Variants in ADPRHL1 observed in about 807,000 individuals in gnomAD.
ADPRHL1 encodes inactive ADP-ribosyltransferase ARH2.
Under a neutral mutation model 44.1 loss-of-function variants are expected in ADPRHL1, and 43 were observed. The ratio of observed to expected loss-of-function variants is 0.98; its 90% confidence interval spans 0.76 to 1.26. ADPRHL1 has a LOEUF of 1.26. Ranked by LOEUF, ADPRHL1 falls within the 50% of genes most tolerant of loss-of-function variation. ADPRHL1 has a pLI of 0.00. For synonymous variants in ADPRHL1, 878 were observed against 1,017.4 expected (o/e 0.86, Z 2.61); for missense variants, 2,022 against 2,496.9 (o/e 0.81, Z 4.05).
chr13:113,447,214 C>A (rs1316470235), intron 1 of ADPRHL1, among the ~76,000 whole-genome samples: 27 of 104,238 alleles, frequency 2.6e-4, no homozygotes, highest in Non-Finnish European at 4.9e-4. Context: ...GTGTGCATGG[C>A]GTCTACACGC....
chr13:113,414,496 G>T (rs1280031159), intron 7 of ADPRHL1, among the ~76,000 whole-genome samples: 1 of 145,992 alleles, frequency 6.8e-6, no homozygotes, highest in African/African-American at 2.5e-5. Context: ...CTCAGTCCCG[G>T]CCTCCCCGAT....
At chr13:113,435,481 C>T (rs1421309802) in intron 2 of ADPRHL1, among the ~76,000 whole-genome samples, 6 of 95,908 alleles carry the variant, frequency 6.3e-5, no homozygotes, top group African/African-American at 8.6e-5. Context: ...GGACCCGGCA[C>T]CCAGGTGTAG....
At chr13:113,426,227 G>A (rs763164273) in intron 4 of ADPRHL1, among the ~76,000 whole-genome samples, 5 of 152,286 alleles carry the variant, frequency 3.3e-5, no homozygotes, top group East Asian at 1.9e-4. Flanking sequence ...CGCCTTCCCC[G>A]CCGTGGAGCC....
chr13:113,404,367 G>A lies in ADPRHL1; in HGVS notation c.4915C>T (p.Arg1639Trp), dbSNP rs1052268914. The A allele has an allele frequency of 4.0e-5, 53 of 1,316,288 alleles. No homozygotes were observed. Among genetic ancestry groups the A allele is most frequent in the African/African-American group, 2.2e-4 (14 of 64,840 alleles). The allele number at this position is 1,316,288 out of a possible 1,614,324, so 81.5% of individuals were successfully genotyped here. The change falls in exon 8 of 8, where the codon CGG becomes TGG. Residue 1639 changes from arginine (R) to tryptophan (W), a missense_variant. Physicochemically the swap from Arg to Trp is moderately radical, Grantham distance 101. Around this residue, in one of 8 missense-constraint regions of ADPRHL1, gnomAD observed 78 missense variants for 76.5 expected, o/e 1.02. Transcript: ENST00000612156. ...QEQTQKGAQE[R>W]VQGQAQKGAQ... The stretch of plus-strand genomic sequence containing the variant: ...CCTTTCTGGGCCTGACCCTGAACCC[G>A]TTCCTGAGCCCCTTTCTGGGTCTGT...
At chr13:113,408,839 C>CAGAGGAGGAGGGGGCTGCAGAGAGG (rs2043828206) in intron 7 of ADPRHL1, among the ~76,000 whole-genome samples, 1 of 39,662 alleles carries the variant, frequency 2.5e-5, no homozygotes. Context: ...CCACCAGGAG[C>CAGAGGAGGAGGGGGCTGCAGAGAGG]AGGGGAGGAG....
intron 7 of ADPRHL1, among the ~76,000 whole-genome samples, chr13:113,418,374 T>C (rs1006775008): frequency 6.6e-6 from 1 of 152,234 alleles, no homozygotes; most frequent in Non-Finnish European, 1.5e-5. Context: ...CTGGGTGCTC[T>C]GAGCGGCTGC....
intron 1 of ADPRHL1, among the ~76,000 whole-genome samples, chr13:113,452,624 T>C (rs771889777): frequency 2.5e-4 from 38 of 152,326 alleles, no homozygotes; most frequent in Admixed American, 9.8e-4. Flanking sequence ...AAGCTTTGTC[T>C]CCAATCTCGT....
At chr13:113,449,567 G>A (rs565080247) in intron 1 of ADPRHL1, among the ~76,000 whole-genome samples, 34 of 151,952 alleles carry the variant, frequency 2.2e-4, no homozygotes, top group Non-Finnish European at 4.4e-4. Context: ...AGACACACCC[G>A]GAAGGAGGCA....
At chr13:113,446,730 T>C (rs1566482906) in intron 1 of ADPRHL1, among the ~76,000 whole-genome samples, 2 of 152,096 alleles carry the variant, frequency 1.3e-5, no homozygotes, top group Admixed American at 1.3e-4. Context: ...TGCATAGCAT[T>C]GCGCTGTGTA....
intron 2 of ADPRHL1, among the ~76,000 whole-genome samples, chr13:113,443,867 C>T (rs1419720998): frequency 4.0e-5 from 6 of 149,150 alleles, no homozygotes; most frequent in Non-Finnish European, 5.9e-5. Context: ...TTCCTGAACC[C>T]GGGAGGCGGA....
chr13:113,434,384 C>T (rs1353046352), intron 2 of ADPRHL1, among the ~76,000 whole-genome samples: 1 of 147,712 alleles, frequency 6.8e-6, no homozygotes, highest in Non-Finnish European at 1.5e-5. Flanking sequence ...CCCTGGGACC[C>T]AGCACCCAGG....
intron 7 of ADPRHL1, among the ~76,000 whole-genome samples, chr13:113,415,426 G>C (rs9549777): frequency 1.3e-5 from 2 of 152,022 alleles, no homozygotes; most frequent in African/African-American, 4.8e-5. Flanking sequence ...GCCGGCTCCA[G>C]GCGACCAGGC....
intron 7 of ADPRHL1, among the ~76,000 whole-genome samples, chr13:113,417,221 C>T (rs1390769137): frequency 6.6e-6 from 1 of 152,210 alleles, no homozygotes; most frequent in East Asian, 1.9e-4. Context: ...CAAGACAAGG[C>T]TGTCCCCCCA....
At chr13:113,417,629 C>T (rs913458806) in intron 7 of ADPRHL1, among the ~76,000 whole-genome samples, 3 of 152,340 alleles carry the variant, frequency 2.0e-5, no homozygotes, top group Admixed American at 6.5e-5. Context: ...GTGTGGCACA[C>T]GAATCCCGAG....
chr13:113,404,387 G>T lies in ADPRHL1; in HGVS notation c.4895C>A (p.Thr1632Asn). ...AACCCGTTCCTGAGCCCCTTTCTGG[G>T]TCTGTTCCTGAGCCCATTTCTGGGC... Reference protein sequence around the residue: ...IKAQKWAQEQTQKGAQERVQG... With the variant: ...IKAQKWAQEQNQKGAQERVQG... The change falls in exon 8 of 8, where the codon ACC (threonine) becomes AAC (asparagine). Residue 1632 changes from threonine to asparagine, a missense_variant. Around this residue, in one of 8 missense-constraint regions of ADPRHL1, gnomAD observed 78 missense variants for 76.5 expected, o/e 1.02. Coordinates refer to ENST00000612156, the MANE Select transcript of ADPRHL1 (RefSeq NM_001394807.1). 7.6e-7 allele frequency: 1 copy of T among 1,323,702 alleles called. No homozygotes were observed. Among genetic ancestry groups the T allele is most frequent in the South Asian group, 2.3e-5 (1 of 43,406 alleles). 82.0% of individuals were successfully genotyped at this position (1,323,702 alleles called of 1,614,324 possible).
intron 7 of ADPRHL1, among the ~76,000 whole-genome samples, chr13:113,410,825 T>G (rs1045171345): frequency 3.3e-5 from 5 of 152,206 alleles, no homozygotes; most frequent in East Asian, 1.9e-4. Context: ...CTCTGAAGGC[T>G]GCACCCCCAG....
chr13:113,450,905 A>G (rs2044173576), intron 1 of ADPRHL1, among the ~76,000 whole-genome samples: 2 of 151,988 alleles, frequency 1.3e-5, no homozygotes, highest in African/African-American at 4.8e-5. Flanking sequence ...GGCCCTCCAC[A>G]AGAGGTGGAA....
chr13:113,403,778 C>A lies in ADPRHL1; in HGVS notation c.5504G>T (p.Ser1835Ile), dbSNP rs187416024. ...IAEGVDAAGR[S>I]GGSRSPAPRD... ...GGGGGCTGGGCTTCTGGACCCCCCA[C>A]TCCTGCCAGCAGCATCCACTCCCTC... Residue 1835 changes from serine to isoleucine, a missense_variant, in exon 8 of 8, where the codon AGT becomes ATT. Coordinates refer to ENST00000612156, the MANE Select transcript of ADPRHL1 (RefSeq NM_001394807.1). The A allele has an allele frequency of 9.9e-5, 122 of 1,233,360 alleles. No homozygotes were observed. In the Middle Eastern group the frequency reaches 2.2e-3, roughly 22 times the overall value. 76.4% of individuals were successfully genotyped at this position (1,233,360 alleles called of 1,614,324 possible). A position where few individuals can be genotyped will look rare whatever the true frequency, so the allele number is the denominator to read the frequency against.
rs2043752605 is a variant in ADPRHL1, at chr13:113,400,481, A to T, written c.*2897T>A. On this transcript the variant is annotated 3_prime_UTR_variant, in exon 8 of 8. Coordinates refer to ENST00000612156, the MANE Select transcript of ADPRHL1 (RefSeq NM_001394807.1). ...TCTTTTTTTTTTTTTTTAAAAAAAC[A>T]AAACAACTTTGGGTTTTATTTAAAA... The T allele has an allele frequency of 6.6e-6, 1 of 150,914 alleles. No homozygotes were observed. The highest frequency in any genetic ancestry group is 6.6e-5 in the Admixed American group (1 of 15,150). The allele number at this position is 150,914 out of a possible 1,614,324, so 9.3% of individuals were successfully genotyped here.
Sources: allele counts gnomAD v4.1 joint callset (sites outside exome capture counted in the v4.1 genomes callset), GRCh38; gene constraint gnomAD v4.1.1; regional missense constraint gnomAD v4.1.1; transcripts MANE v1.5; gene names NCBI Gene and HGNC (gene_info 2026-07-23, HGNC 2026-07-21).